Variants in CP observed in about 807,000 individuals in gnomAD.
CP encodes the protein ceruloplasmin, also known as caeruloplasmin.
In CP, 64 loss-of-function variants were observed where a neutral mutation model predicts 122.4. The ratio of observed to expected loss-of-function variants is 0.52; its 90% CI spans 0.43 to 0.64. The LOEUF is 0.64. CP is among the 30% of genes least tolerant of loss of function. The pLI is 0.00. For synonymous variants in CP, 440 were observed against 436.4 expected (o/e 1.01, Z -0.10); for missense variants, 1,167 against 1,284.4 (o/e 0.91, Z 1.40).
intron 18 of CP, among the ~76,000 whole-genome samples, chr3:149,174,063 T>C (rs1328918204): frequency 2.0e-5 from 3 of 152,170 alleles, no homozygotes; most frequent in African/African-American, 7.2e-5. Context: ...TGATATGGTG[T>C]ACTAAGAAAA....
At chr3:149,187,723 G>A (rs34013572) in intron 10 of CP, among the ~76,000 whole-genome samples, 2,675 of 152,260 alleles carry the variant, frequency 0.018, 37 homozygotes, top group Middle Eastern at 0.058. Context: ...ACAGATTGCC[G>A]GGATCCATCT....
chr3:149,221,083 T>C (rs1225381315), intron 1 of CP, among the ~76,000 whole-genome samples: 3 of 152,142 alleles, frequency 2.0e-5, no homozygotes, highest in Non-Finnish European at 4.4e-5. Flanking sequence ...ACTAAGAGCT[T>C]TACATGCACC....
At chr3:149,212,073 CAGG>C (rs1195380538) in intron 2 of CP, among the ~76,000 whole-genome samples, 2 of 151,822 alleles carry the variant, frequency 1.3e-5, no homozygotes, top group African/African-American at 2.4e-5. Flanking sequence ...GCGGGCAGAT[CAGG>C]AGGTCAGGAG....
At chr3:149,181,296 C>T (rs995672498) in intron 14 of CP, among the ~76,000 whole-genome samples, 12 of 152,108 alleles carry the variant, frequency 7.9e-5, no homozygotes, top group Middle Eastern at 3.2e-3. Flanking sequence ...CTCCTGTCTT[C>T]GGGGCCTAGA....
At chr3:149,188,401 G>C (rs1028213378) in intron 9 of CP, among the ~76,000 whole-genome samples, 199 bp from the exon 10 acceptor site, 3 of 137,650 alleles carry the variant, frequency 2.2e-5, no homozygotes, top group Non-Finnish European at 3.0e-5. Context: ...GTGGATTTGT[G>C]GTTCAATATG....
rs562943157 is a variant in CP at position 149,183,623 on chromosome 3, C to G, written c.2286-18G>C. 6.9e-6 allele frequency: 10 copies of G among 1,452,476 alleles called. No individual in the cohort carries two copies. Among genetic ancestry groups the G allele is most frequent in the East Asian group, 2.3e-5 (1 of 44,152 alleles). 90.0% of individuals were successfully genotyped at this position (1,452,476 alleles called of 1,614,324 possible). ...TTGAAACACTTAAAAAAAAAAACAA[C>G]TAAGGTTAGTATTTGTCTTAATGAA... is the stretch of plus-strand genomic sequence containing the variant. On this transcript the variant is annotated intron_variant, in intron 12 of 18. Transcript: ENST00000264613.
intron 15 of CP, 62 bp from the exon 16 acceptor site, chr3:149,178,693 G>A (rs1725581156): frequency 8.1e-7 from 1 of 1,236,970 alleles, no homozygotes; most frequent in African/African-American, 1.5e-5. Context: ...AGAGAACTGA[G>A]ACTTTGCACC....
intron 6 of CP, among the ~76,000 whole-genome samples, chr3:149,205,466 C>T (rs943110533): frequency 6.6e-6 from 1 of 151,434 alleles, no homozygotes; most frequent in Non-Finnish European, 1.5e-5. Context: ...ACATTAGTCA[C>T]AATAGCCAAA....
At chr3:149,181,975 C>CGGGGGG in intron 14 of CP, 30 bp downstream of exon 14, 11 of 1,088,418 alleles carry the variant, frequency 1.0e-5, no homozygotes, top group South Asian at 1.2e-5. Context: ...TGTTAAAATG[C>CGGGGGG]ACCACCCCCA....
In CP at chr3:149,182,023, C is replaced by G. The variant is rs1321940071; in HGVS notation, c.2536G>C (p.Val846Leu). ...TGAGTACCTGGTAATGTTGGAGTAA[C>G]TGTAGAACTCTCTGTTTGTACCCCA... ...AHGVQTESST[V>L]TPTLPGETLT... The change falls in exon 14 of 19, where the codon GTT becomes CTT. Residue 846 changes from valine (V) to leucine (L), a missense_variant. By Grantham distance (32) the Val-to-Leu change is conservative. Transcript: ENST00000264613. 7.3e-7 allele frequency: 1 copy of G among 1,370,712 alleles called. No individual in the cohort carries two copies. Among genetic ancestry groups the G allele is most frequent in the Non-Finnish European group, 9.8e-7 (1 of 1,021,276 alleles). 84.9% of individuals were successfully genotyped at this position (1,370,712 alleles called of 1,614,324 possible). A position where few individuals can be genotyped will look rare whatever the true frequency, so the allele number is the denominator to read the frequency against.
intron 9 of CP, 143 bp downstream of exon 9, chr3:149,198,224 G>A (rs1727027027): frequency 1.6e-6 from 1 of 643,828 alleles, no homozygotes; most frequent in Non-Finnish European, 2.7e-6. Context: ...GATAATTGTG[G>A]GCATTTTTAA....
intron 12 of CP, 114 bp downstream of exon 12, chr3:149,185,125 G>GTTA: frequency 2.4e-6 from 2 of 836,940 alleles, no homozygotes; most frequent in Non-Finnish European, 3.9e-6. Context: ...TGTTGTTGTT[G>GTTA]TTATTGTTTA....
chr3:149,190,349 A>G (rs1227493166), intron 9 of CP, among the ~76,000 whole-genome samples: 1 of 152,148 alleles, frequency 6.6e-6, no homozygotes, highest in Non-Finnish European at 1.5e-5. Flanking sequence ...CATGGATGAA[A>G]TAAAATAGTG....
At chr3:149,185,899 A>C (rs1047777338) in intron 11 of CP, among the ~76,000 whole-genome samples, 1 of 152,076 alleles carries the variant, frequency 6.6e-6, no homozygotes, top group Non-Finnish European at 1.5e-5. Flanking sequence ...TCTTTTGTTC[A>C]TTGTTGTATT....
At chr3:149,165,594 G>A (rs1422246548) in intron 5 of CP, among the ~76,000 whole-genome samples, 2 of 151,952 alleles carry the variant, frequency 1.3e-5, no homozygotes, top group East Asian at 1.9e-4. Context: ...CTCCCACCTC[G>A]GGTTCCCAAA....
At chr3:149,195,857 C>T (rs1054348042) in intron 9 of CP, among the ~76,000 whole-genome samples, 1 of 140,524 alleles carries the variant, frequency 7.1e-6, no homozygotes, top group African/African-American at 2.7e-5. Flanking sequence ...CAGAGCGAGA[C>T]ACCGTCTCAA....
chr3:149,201,998 A>T lies in CP; in HGVS notation c.1348+104T>A, dbSNP rs1245696582. ...GTTTTATCTTCCACACGCCTACTTA[A>T]CACATAGAAATCATGCAGTAGGTCC... On this transcript the variant is annotated intron_variant, in intron 7 of 18. Coordinates refer to ENST00000264613, the MANE Select transcript of CP (RefSeq NM_000096.4). 7 of 1,439,738 alleles carry T rather than the reference A, an allele frequency of 4.9e-6. No homozygotes were observed. The Admixed American group carries it at 1.0e-4, about 21-fold the overall frequency. The allele number at this position is 1,439,738 out of a possible 1,614,324, so 89.2% of individuals were successfully genotyped here.
intron 4 of CP, among the ~76,000 whole-genome samples, chr3:149,208,640 G>T (rs1320930622): frequency 6.6e-6 from 1 of 152,050 alleles, no homozygotes; most frequent in Non-Finnish European, 1.5e-5. Flanking sequence ...CAAATTATGA[G>T]AAATAGATAA....
At chr3:149,201,107 GGATTGATTGATT>G (rs10631065) in intron 7 of CP, among the ~76,000 whole-genome samples, 4 of 151,604 alleles carry the variant, frequency 2.6e-5, no homozygotes, top group East Asian at 1.9e-4. Flanking sequence ...TAGTAGCCTG[GGATTGATTGATT>G]GATTGATTGA....
Sources: allele counts gnomAD v4.1 joint callset (sites outside exome capture counted in the v4.1 genomes callset), GRCh38; gene constraint gnomAD v4.1.1; transcripts MANE v1.5; gene names NCBI Gene and HGNC (gene_info 2026-07-23, HGNC 2026-07-21).